The following TSHZ2 variants were observed in gnomAD, a reference collection of about 807,000 sequenced individuals.
TSHZ2 encodes the protein teashirt zinc finger homeobox 2.
A neutral mutation model predicts 74.4 loss-of-function variants in TSHZ2; 21 were observed. The observed-to-expected ratio is 0.28, with a 90% confidence interval of 0.20 to 0.41. The LOEUF is 0.41. Among genes scored for constraint, TSHZ2 ranks in the 10% least tolerant of loss-of-function variants. TSHZ2 has a pLI of 1.00. For missense variants in TSHZ2, 1,244 were observed against 1,293.5 expected (o/e 0.96, Z 0.59); for synonymous variants, 540 against 515.3 (o/e 1.05, Z -0.65).
intron 1 of TSHZ2, among the ~76,000 whole-genome samples, chr20:53,050,449 C>G (rs2123127716): frequency 6.6e-6 from 1 of 152,198 alleles, no homozygotes; most frequent in South Asian, 2.1e-4. Flanking sequence ...GCCCCATTTT[C>G]CAAGTTTTCT....
chr20:53,058,310 A>G (rs1196109819), intron 1 of TSHZ2, among the ~76,000 whole-genome samples: 2 of 152,184 alleles, frequency 1.3e-5, no homozygotes, highest in African/African-American at 4.8e-5. Context: ...TGCAAAGTGG[A>G]AGGATCCAAC....
At chr20:53,290,563 A>C (rs1053367360) in intron 2 of TSHZ2, among the ~76,000 whole-genome samples, 7 of 152,274 alleles carry the variant, frequency 4.6e-5, no homozygotes, top group Admixed American at 3.3e-4. Flanking sequence ...AATGTCCCCC[A>C]TATTTTTAAA....
intron 1 of TSHZ2, among the ~76,000 whole-genome samples, chr20:53,209,923 G>T (rs1247142181): frequency 6.6e-6 from 1 of 152,192 alleles, no homozygotes; most frequent in African/African-American, 2.4e-5. Flanking sequence ...GAGAGCAGAA[G>T]TACCTACTTC....
chr20:53,394,859 CAAAAAAAAA>C (rs1005992034), intron 2 of TSHZ2, among the ~76,000 whole-genome samples: 8 of 44,126 alleles, frequency 1.8e-4, no homozygotes, highest in Non-Finnish European at 2.4e-4. Flanking sequence ...CAGAACTCAC[CAAAAAAAAA>C]AAAAAAAAAA....
intron 2 of TSHZ2, among the ~76,000 whole-genome samples, chr20:53,305,098 A>G (rs6068502): frequency 0.14 from 21,604 of 149,324 alleles, 2,289 homozygotes; most frequent in African/African-American, 0.3. Context: ...ACCACGCCTG[A>G]CTAATTTTTT....
At position 53,321,683 on chromosome 20, in the gene TSHZ2, C is replaced by CAAAAAAAAAAAAAAAAA. The variant is rs59907513; in HGVS notation, c.*8+65113_*8+65129dup. 1.2e-3 allele frequency among the ~76,000 whole-genome samples: 70 copies of CAAAAAAAAAAAAAAAAA among 58,214 alleles called. 2 individuals carry two copies. Among genetic ancestry groups the CAAAAAAAAAAAAAAAAA allele is most frequent in the Non-Finnish European group, 1.6e-3 (54 of 34,798 alleles). 38.2% of individuals were successfully genotyped at this position (58,214 alleles called of 152,430 possible). A position where few individuals can be genotyped will look rare whatever the true frequency, so the allele number is the denominator to read the frequency against. ...TGGGCAACAGGGCGAGACTCCATCT[C>CAAAAAAAAAAAAAAAAA]AAAAAAAAAAAAAAAAAGAAAGACA... On this transcript the variant is annotated intron_variant, in intron 2 of 2. Coordinates refer to ENST00000371497, the MANE Select transcript of TSHZ2 (RefSeq NM_173485.6).
rs747291864 is a variant in TSHZ2, at chr20:53,444,312, C to T, written c.*9-42832C>T. 3.3e-5 allele frequency among the ~76,000 whole-genome samples: 5 copies of T among 152,208 alleles called. No individual in the cohort carries two copies. The South Asian group carries it at 8.3e-4, about 25-fold the overall frequency. ...CCAGACAATGCTCTCCCTCCACACACGGCTCCATCTCAACTCCACGGACAC... is the reference window on the plus strand; with the variant it reads ...CCAGACAATGCTCTCCCTCCACACATGGCTCCATCTCAACTCCACGGACAC... On this transcript the variant is annotated intron_variant, in intron 2 of 2. Coordinates refer to ENST00000371497, the MANE Select transcript of TSHZ2 (RefSeq NM_173485.6).
chr20:53,392,677 T>C (rs777533432), intron 2 of TSHZ2, among the ~76,000 whole-genome samples: 1 of 152,190 alleles, frequency 6.6e-6, no homozygotes, highest in Non-Finnish European at 1.5e-5. Flanking sequence ...GGATTCTTTT[T>C]AGCATTGTAT....
chr20:53,117,813 C>T (rs1363609826), intron 1 of TSHZ2, among the ~76,000 whole-genome samples: 3 of 152,134 alleles, frequency 2.0e-5, no homozygotes, highest in African/African-American at 4.8e-5. Context: ...CTCTCTGTTC[C>T]CATCTTTTGG....
At chr20:53,124,305 A>T (rs573750181) in intron 1 of TSHZ2, among the ~76,000 whole-genome samples, 3 of 152,178 alleles carry the variant, frequency 2.0e-5, no homozygotes, top group African/African-American at 7.2e-5. Flanking sequence ...CTGTTGGGCA[A>T]TTTGGGACCC....
intron 2 of TSHZ2, among the ~76,000 whole-genome samples, chr20:53,426,441 A>AT (rs891037572): frequency 2.6e-5 from 4 of 151,992 alleles, no homozygotes; most frequent in African/African-American, 9.7e-5. Flanking sequence ...TTTACAGGGA[A>AT]TTTTCTTCTT....
In TSHZ2 at chr20:53,144,596, T is replaced by C. The variant is rs147787752; in HGVS notation, c.41-108903T>C. ...TCCATGAATCCCTACAACAGCCCTA[T>C]ATTATTAGGTATTATTATTATTCCA... On this transcript the variant is annotated intron_variant, in intron 1 of 2. Transcript: ENST00000371497. Among the ~76,000 whole-genome samples, 42 of 152,300 alleles carry C rather than the reference T, an allele frequency of 2.8e-4. No homozygotes were observed. In the East Asian group the frequency reaches 5.0e-3, roughly 18 times the overall value.
intron 1 of TSHZ2, among the ~76,000 whole-genome samples, chr20:53,109,036 C>T (rs1986457147): frequency 1.3e-5 from 2 of 152,068 alleles, no homozygotes; most frequent in Admixed American, 6.5e-5. Flanking sequence ...CCAAATGGAC[C>T]TCTTGAATTC....
At chr20:53,472,705 G>A (rs191144154) in intron 2 of TSHZ2, among the ~76,000 whole-genome samples, 4 of 152,014 alleles carry the variant, frequency 2.6e-5, no homozygotes, top group East Asian at 2.0e-4. Context: ...CAGCCTGAGC[G>A]ACGCAGAAGA....
intron 2 of TSHZ2, among the ~76,000 whole-genome samples, chr20:53,410,170 C>G (rs148531867): frequency 2.0e-5 from 3 of 152,098 alleles, no homozygotes; most frequent in Admixed American, 6.6e-5. Context: ...TTAATGTTCA[C>G]TCTGAGAATC....
At position 53,093,849 on chromosome 20, in the gene TSHZ2, G is replaced by A. The variant is rs115297666; in HGVS notation, c.40+120516G>A. On this transcript the variant is annotated intron_variant, in intron 1 of 2. Coordinates refer to ENST00000371497, the MANE Select transcript of TSHZ2 (RefSeq NM_173485.6). ...TTATGATGATAATCATTATCATCAT[G>A]AATAAATCTGAAAGCATAGGACCTC... 3.5e-3 allele frequency among the ~76,000 whole-genome samples: 529 copies of A among 152,194 alleles called. 4 individuals carry two copies. Among genetic ancestry groups the A allele is most frequent in the African/African-American group, 0.012 (510 of 41,534 alleles).
intron 1 of TSHZ2, among the ~76,000 whole-genome samples, chr20:52,988,825 A>G (rs1334365162): frequency 6.6e-6 from 1 of 152,160 alleles, no homozygotes; most frequent in Non-Finnish European, 1.5e-5. Context: ...ACTCCACAGC[A>G]TCTTTGAGGA....
At chr20:53,290,374 T>C (rs1437208712) in intron 2 of TSHZ2, among the ~76,000 whole-genome samples, 1 of 152,070 alleles carries the variant, frequency 6.6e-6, no homozygotes, top group Non-Finnish European at 1.5e-5. Flanking sequence ...CATCTATCAC[T>C]AATTTAAAAA....
intron 1 of TSHZ2, among the ~76,000 whole-genome samples, chr20:53,220,091 C>G (rs1309368784): frequency 6.6e-6 from 1 of 152,144 alleles, no homozygotes; most frequent in Non-Finnish European, 1.5e-5. Context: ...ACAATGAGGG[C>G]TCTCAGATTT....
Sources: allele counts gnomAD v4.1 joint callset (sites outside exome capture counted in the v4.1 genomes callset), GRCh38; gene constraint gnomAD v4.1.1; transcripts MANE v1.5; gene names NCBI Gene and HGNC (gene_info 2026-07-23, HGNC 2026-07-21).